ZC3H12B: variants seen among roughly 807,000 people sequenced by gnomAD.
ZC3H12B encodes the protein zinc finger CCCH-type containing 12B.
ZC3H12B carries 7 observed loss-of-function variants against 43.9 expected under a neutral mutation model. That is an observed-to-expected ratio of 0.16 (90% CI 0.09 to 0.30). The LOEUF is 0.30. Among genes scored for constraint, ZC3H12B ranks in the 10% least tolerant of loss-of-function variants. The probability of loss-of-function intolerance (pLI) is 1.00; values close to 1 mark genes in which losing one functional copy is unlikely to be tolerated. For synonymous variants in ZC3H12B, 222 were observed against 241.7 expected, an observed-to-expected ratio of 0.92 and a Z score of 0.76; for missense variants, 475 against 670.2, an observed-to-expected ratio of 0.71 and a Z score of 3.22.
At chrX:65,198,890 G>C in the ZC3H12B span, among the ~76,000 whole-genome samples, 1 of 111,487 alleles carries the variant, frequency 9.0e-6, no homozygotes, top group East Asian at 2.8e-4. Context: ...GCGATGGCAT[G>C]ATCTCAGCTC....
intron 2 of ZC3H12B, among the ~76,000 whole-genome samples, chrX:65,385,810 C>A (rs1363623657): frequency 9.0e-6 from 1 of 111,731 alleles, no homozygotes; most frequent in Non-Finnish European, 1.9e-5. Context: ...TTATTTTGAG[C>A]TATGTCCCAT....
rs1428485718 is a variant in ZC3H12B at position 65,456,811 on chromosome X, G to A, written n.408-31835G>A. On this transcript the variant is annotated intron_variant and non_coding_transcript_variant, in intron 3 of 5. Transcript: ENST00000617377. Reference sequence around the variant, plus strand: ...TCGCTACAACCTCCACCTCCCAGCCGCCTGCCTTGGCCTCCCAAAGTGCCG... The same window carrying A: ...TCGCTACAACCTCCACCTCCCAGCCACCTGCCTTGGCCTCCCAAAGTGCCG... 1.2e-4 allele frequency among the ~76,000 whole-genome samples: 13 copies of A among 109,096 alleles called. No homozygotes were observed. In the East Asian group the frequency reaches 2.4e-3, roughly 20 times the overall value. The allele number at this position is 109,096 out of a possible 115,157, so 94.7% of individuals were successfully genotyped here.
chrX:65,243,126 G>A, the ZC3H12B span, among the ~76,000 whole-genome samples: 130 of 111,866 alleles, frequency 1.2e-3, 1 homozygote, highest in Middle Eastern at 4.6e-3. Flanking sequence ...TGGACAATTG[G>A]TACCACATCA....
chrX:65,236,417 G>T, the ZC3H12B span, among the ~76,000 whole-genome samples: 10 of 111,054 alleles, frequency 9.0e-5, no homozygotes, highest in East Asian at 2.8e-3. Context: ...TTTTATATTT[G>T]TTTAAATTCC....
the ZC3H12B span, among the ~76,000 whole-genome samples, chrX:65,090,923 G>A: frequency 1.8e-5 from 2 of 110,583 alleles, no homozygotes; most frequent in Non-Finnish European, 3.8e-5. Flanking sequence ...AAAAGTGTAT[G>A]GCATCCCCCT....
the ZC3H12B span, chrX:65,357,075 G>A: frequency 3.6e-6 from 2 of 551,698 alleles, no homozygotes; most frequent in South Asian, 4.7e-5. Flanking sequence ...CAAAGAGAGG[G>A]CCAGTCACTG....
At chrX:65,279,575 A>G in the ZC3H12B span, among the ~76,000 whole-genome samples, 2 of 111,456 alleles carry the variant, frequency 1.8e-5, no homozygotes, top group Non-Finnish European at 3.8e-5. Context: ...TCAACTCAAG[A>G]TGGATTAAAG....
the ZC3H12B span, among the ~76,000 whole-genome samples, chrX:65,163,577 G>A: frequency 1.1e-4 from 12 of 111,841 alleles, no homozygotes; most frequent in Non-Finnish European, 2.3e-4. Flanking sequence ...TCTGAGCTAT[G>A]TGCGGGATAT....
the ZC3H12B span, among the ~76,000 whole-genome samples, chrX:65,335,603 C>T: frequency 2.4e-3 from 260 of 110,487 alleles, 1 homozygote; most frequent in African/African-American, 8.1e-3. Flanking sequence ...TTGTAAAGGT[C>T]ATACAGATAT....
the ZC3H12B span, among the ~76,000 whole-genome samples, chrX:65,072,055 T>A: frequency 8.9e-6 from 1 of 112,139 alleles, no homozygotes. Flanking sequence ...ATTTCTAAGT[T>A]TCTTCCATTC....
At chrX:65,374,681 G>A (rs537300889) in intron 2 of ZC3H12B, among the ~76,000 whole-genome samples, 3 of 110,850 alleles carry the variant, frequency 2.7e-5, no homozygotes, top group African/African-American at 6.6e-5. Flanking sequence ...AGAACTGCCC[G>A]ATACTGGGTA....
the ZC3H12B span, among the ~76,000 whole-genome samples, chrX:65,358,393 C>A: frequency 4.5e-5 from 5 of 111,770 alleles, no homozygotes; most frequent in Admixed American, 3.8e-4. Context: ...CTTCTCAGCA[C>A]CATATCGCAC....
At chrX:65,177,660 G>A in the ZC3H12B span, among the ~76,000 whole-genome samples, 3 of 111,860 alleles carry the variant, frequency 2.7e-5, no homozygotes, top group African/African-American at 9.8e-5. Flanking sequence ...AATCATGAGT[G>A]AATGCCAATC....
intron 1 of ZC3H12B, among the ~76,000 whole-genome samples, chrX:65,496,493 T>G (rs2068284187): frequency 9.0e-6 from 1 of 111,400 alleles, no homozygotes; most frequent in South Asian, 3.7e-4. Context: ...AGAGAGAAAA[T>G]GGAACTAGTG....
intron 3 of ZC3H12B, among the ~76,000 whole-genome samples, chrX:65,420,649 T>C (rs2067007551): frequency 8.9e-6 from 1 of 111,744 alleles, no homozygotes; most frequent in Non-Finnish European, 1.9e-5. Flanking sequence ...TGCCTGTCAA[T>C]TGAAGAAGAT....
At chrX:65,153,164 T>C in the ZC3H12B span, among the ~76,000 whole-genome samples, 2 of 111,950 alleles carry the variant, frequency 1.8e-5, no homozygotes, top group African/African-American at 6.5e-5. Context: ...ATTCAGGACA[T>C]AGGCATGGGC....
chrX:65,495,872 T>A (rs1477993803), intron 1 of ZC3H12B, among the ~76,000 whole-genome samples: 1 of 111,132 alleles, frequency 9.0e-6, no homozygotes, highest in Non-Finnish European at 1.9e-5. Flanking sequence ...AATACTTGAA[T>A]TTTTTTTTCT....
the ZC3H12B span, among the ~76,000 whole-genome samples, chrX:65,150,184 T>C: frequency 9.0e-6 from 1 of 110,799 alleles, no homozygotes; most frequent in African/African-American, 3.3e-5. Context: ...TATTATTACT[T>C]ATTTTTTTGC....
chrX:65,483,362 TTTA>T (rs1194801704), intron 3 of ZC3H12B, among the ~76,000 whole-genome samples: 1 of 112,036 alleles, frequency 8.9e-6, no homozygotes, highest in African/African-American at 3.3e-5. Context: ...CTGCATGTGA[TTTA>T]TTTATTATAA....
Sources: allele counts gnomAD v4.1 joint callset (sites outside exome capture counted in the v4.1 genomes callset), GRCh38; gene constraint gnomAD v4.1.1; transcripts MANE v1.5; gene names NCBI Gene and HGNC (gene_info 2026-07-23, HGNC 2026-07-21).